Variants in UTRN observed in about 807,000 individuals in gnomAD.
UTRN encodes dystrophin-related protein 1.
Under a neutral mutation model 463.9 loss-of-function variants are expected in UTRN, and 283 were observed. That is an observed-to-expected ratio of 0.61 (90% CI 0.55 to 0.67). The LOEUF (loss-of-function observed/expected upper bound fraction) is 0.67. UTRN is among the 30% of genes least tolerant of loss of function. The pLI, the probability that UTRN is intolerant of heterozygous loss-of-function variation, is 0.00. For missense variants in UTRN, 3,922 were observed against 4,084.3 expected, an observed-to-expected ratio of 0.96 and a Z score of 1.08; for synonymous variants, 1,442 against 1,431.5, an observed-to-expected ratio of 1.01 and a Z score of -0.17.
chr6:144,621,690 A>C (rs1225720061), intron 51 of UTRN, among the ~76,000 whole-genome samples: 1 of 152,192 alleles, frequency 6.6e-6, no homozygotes, highest in African/African-American at 2.4e-5. Context: ...CATCGTGTTC[A>C]CAAGTCAGAC....
chr6:144,766,349 T>G (rs1586462182), intron 58 of UTRN, among the ~76,000 whole-genome samples: 1 of 152,218 alleles, frequency 6.6e-6, no homozygotes, highest in Non-Finnish European at 1.5e-5. Flanking sequence ...CTTCATACTT[T>G]AGGCAGTTGA....
At chr6:144,669,849 T>C (rs1001442266) in intron 51 of UTRN, among the ~76,000 whole-genome samples, 4 of 152,158 alleles carry the variant, frequency 2.6e-5, no homozygotes, top group Admixed American at 6.6e-5. Flanking sequence ...TGATTTTCCA[T>C]TCCTGACTTA....
chr6:144,489,951 C>G, intron 30 of UTRN, 120 bp from the exon 31 acceptor site: 1 of 1,400,848 alleles, frequency 7.1e-7, no homozygotes, highest in Non-Finnish European at 9.6e-7. Flanking sequence ...CTGTGGAGGT[C>G]AACATTATGT....
At chr6:144,750,869 A>G (rs1791319668) in intron 55 of UTRN, among the ~76,000 whole-genome samples, 1 of 152,168 alleles carries the variant, frequency 6.6e-6, no homozygotes, top group African/African-American at 2.4e-5. Flanking sequence ...GTGGATGCTC[A>G]TAATTACAAT....
At chr6:144,612,408 A>G (rs1297270142) in intron 51 of UTRN, among the ~76,000 whole-genome samples, 12 of 152,156 alleles carry the variant, frequency 7.9e-5, no homozygotes, top group African/African-American at 2.9e-4. Flanking sequence ...GGCAGCAATC[A>G]AAGTGGAGAG....
intron 51 of UTRN, among the ~76,000 whole-genome samples, chr6:144,607,864 T>A (rs1805035456): frequency 6.6e-6 from 1 of 152,186 alleles, no homozygotes; most frequent in African/African-American, 2.4e-5. Context: ...AGAGTGACCT[T>A]GTTTTGTTTT....
chr6:144,833,187 A>G (rs757093930), intron 69 of UTRN, among the ~76,000 whole-genome samples: 1 of 152,178 alleles, frequency 6.6e-6, no homozygotes, highest in African/African-American at 2.4e-5. Flanking sequence ...ACCTGAGATT[A>G]CCATCTACTT....
At chr6:144,326,742 A>G (rs536597188) in intron 2 of UTRN, among the ~76,000 whole-genome samples, 8 of 152,298 alleles carry the variant, frequency 5.3e-5, no homozygotes, top group South Asian at 4.1e-4. Context: ...ACTTGCAACC[A>G]TGGATGGCTG....
chr6:144,850,337 A>AGAAAGGCCTT (rs1290560895), intron 74 of UTRN, among the ~76,000 whole-genome samples: 1 of 152,204 alleles, frequency 6.6e-6, no homozygotes, highest in Non-Finnish European at 1.5e-5. Context: ...CTGAGGGTCC[A>AGAAAGGCCTT]GAAAGGCCTT....
At chr6:144,360,122 C>T (rs1019889503) in intron 2 of UTRN, among the ~76,000 whole-genome samples, 1 of 125,732 alleles carries the variant, frequency 8.0e-6, no homozygotes, top group Non-Finnish European at 1.6e-5. Context: ...CCCTTCCTTC[C>T]TTCCTTCTTT....
intron 41 of UTRN, 32 bp downstream of exon 41, chr6:144,523,220 A>C: frequency 6.8e-7 from 1 of 1,474,508 alleles, no homozygotes. Flanking sequence ...ATTTAATTTA[A>C]AAAAATGCCT....
intron 34 of UTRN, among the ~76,000 whole-genome samples, chr6:144,503,941 TCCTTGAAGAGCTCCTTCACATC>T (rs1315442290): frequency 1.3e-5 from 2 of 150,292 alleles, no homozygotes; most frequent in East Asian, 3.8e-4. Context: ...TTTGTAGTTC[TCCTTGAAGAGCTCCTTCACATC>T]CCTTGTAAGT....
chr6:144,734,657 G>T (rs1267776544), intron 54 of UTRN, among the ~76,000 whole-genome samples: 1 of 152,154 alleles, frequency 6.6e-6, no homozygotes, highest in Admixed American at 6.5e-5. Context: ...CCTAGAATAT[G>T]ATCCTTTATC....
chr6:144,515,826 A>C (rs976102567), intron 37 of UTRN, among the ~76,000 whole-genome samples: 22 of 152,204 alleles, frequency 1.4e-4, no homozygotes, highest in South Asian at 4.1e-4. Flanking sequence ...TCTACTGAGG[A>C]AACTTAACTG....
At chr6:144,379,273 A>G (rs1354751032) in intron 2 of UTRN, among the ~76,000 whole-genome samples, 1 of 152,236 alleles carries the variant, frequency 6.6e-6, no homozygotes, top group East Asian at 1.9e-4. Flanking sequence ...TATCTCATGC[A>G]GTTTCCTTGG....
intron 2 of UTRN, chr6:144,398,550 A>G (rs1303891561): frequency 4.0e-6 from 1 of 251,996 alleles, no homozygotes; most frequent in Admixed American, 4.6e-5. Context: ...CATTATCTTT[A>G]TGGCAGGCCA....
chr6:144,526,030 A>G (rs1325756335), intron 41 of UTRN, among the ~76,000 whole-genome samples: 1 of 151,982 alleles, frequency 6.6e-6, no homozygotes, highest in African/African-American at 2.4e-5. Context: ...ATTTCATTCC[A>G]CTGTGGTCTG....
intron 2 of UTRN, among the ~76,000 whole-genome samples, chr6:144,325,507 A>G (rs762440774): frequency 6.6e-6 from 1 of 152,310 alleles, no homozygotes; most frequent in African/African-American, 2.4e-5. Flanking sequence ...ATTTCTGTTC[A>G]TTATAAATTA....
intron 2 of UTRN, among the ~76,000 whole-genome samples, chr6:144,340,518 A>G (rs1319305807): frequency 6.6e-6 from 1 of 152,140 alleles, no homozygotes; most frequent in East Asian, 1.9e-4. Context: ...TCTAACTTCA[A>G]CATTACCTCC....
Sources: gnomAD v4.1 joint callset for allele counts (sites outside exome capture counted in the v4.1 genomes callset) on GRCh38, gnomAD v4.1.1 for gene constraint, MANE v1.5 for transcripts, NCBI Gene and HGNC (gene_info 2026-07-23, HGNC 2026-07-21) for gene names.